Variants in NSG2 observed in about 807,000 individuals in gnomAD.
NSG2 encodes neuronal vesicle trafficking-associated protein 2.
NSG2 carries 4 observed loss-of-function variants against 16.9 expected under a neutral mutation model. The observed-to-expected ratio is 0.24, with a 90% CI of 0.12 to 0.54. NSG2 has a LOEUF of 0.54. Ranked by LOEUF, NSG2 falls within the 20% of genes least tolerant of loss-of-function variation. The pLI, the probability that NSG2 is intolerant of heterozygous loss-of-function variation, is 0.95. For missense variants in NSG2, 179 were observed against 221.1 expected, an observed-to-expected ratio of 0.81 and a Z score of 1.21; for synonymous variants, 98 against 88.7, an observed-to-expected ratio of 1.11 and a Z score of -0.59.
intron 3 of NSG2, among the ~76,000 whole-genome samples, chr5:174,098,182 T>G (rs1342254770): frequency 3.3e-5 from 5 of 152,138 alleles, no homozygotes; most frequent in Non-Finnish European, 7.4e-5. Flanking sequence ...GCTCCAGGCC[T>G]GGCCCAAGGC....
intron 3 of NSG2, among the ~76,000 whole-genome samples, chr5:174,100,837 C>T (rs1760886936): frequency 6.6e-6 from 1 of 152,248 alleles, no homozygotes; most frequent in Non-Finnish European, 1.5e-5. Flanking sequence ...CTTTACTAAC[C>T]TGCTGTTGGC....
intron 3 of NSG2, among the ~76,000 whole-genome samples, chr5:174,092,943 T>G (rs1760743021): frequency 1.3e-5 from 2 of 152,220 alleles, no homozygotes; most frequent in Admixed American, 6.5e-5. Context: ...ATATGGGGGA[T>G]TGATGGCAGG....
At chr5:174,081,314 G>T (rs1353709635) in intron 3 of NSG2, among the ~76,000 whole-genome samples, 1 of 151,990 alleles carries the variant, frequency 6.6e-6, no homozygotes, top group Non-Finnish European at 1.5e-5. Context: ...TTTCAGATTT[G>T]CTATTTCTAG....
chr5:174,086,029 G>A (rs532853106), intron 3 of NSG2, among the ~76,000 whole-genome samples: 4 of 152,276 alleles, frequency 2.6e-5, no homozygotes, highest in South Asian at 4.1e-4. Context: ...TGTGGTAGAT[G>A]GTGGCCTGTA....
chr5:174,046,638 A>C, intron 1 of NSG2, 96 bp from the exon 2 acceptor site: 1 of 1,034,990 alleles, frequency 9.7e-7, no homozygotes, highest in South Asian at 1.6e-5. Context: ...AAGCCACTTG[A>C]GTGGAGCTGT....
intron 4 of NSG2, among the ~76,000 whole-genome samples, chr5:174,105,516 A>G (rs1051134712): frequency 7.9e-5 from 12 of 152,254 alleles, no homozygotes; most frequent in Admixed American, 2.0e-4. Context: ...AATAGCACCA[A>G]TGTTACTACT....
At chr5:174,066,101 A>AGT in intron 3 of NSG2, 2 of 428,954 alleles carry the variant, frequency 4.7e-6, no homozygotes, top group Admixed American at 4.8e-5. Flanking sequence ...CCAGGGGAGG[A>AGT]GTGTGGTCCC....
intron 4 of NSG2, among the ~76,000 whole-genome samples, chr5:174,104,766 C>G (rs79060203): frequency 0.014 from 2,130 of 152,224 alleles, 25 homozygotes; most frequent in Non-Finnish European, 0.02. Flanking sequence ...TCCAAGTCTC[C>G]CCTTGACCCA....
chr5:174,066,495 A>C (rs1760141560), intron 3 of NSG2, among the ~76,000 whole-genome samples: 1 of 152,250 alleles, frequency 6.6e-6, no homozygotes. Context: ...AAATGAGAAC[A>C]CATCCATATG....
At chr5:174,075,127 A>G (rs1760316037) in intron 3 of NSG2, among the ~76,000 whole-genome samples, 1 of 152,220 alleles carries the variant, frequency 6.6e-6, no homozygotes, top group Admixed American at 6.5e-5. Context: ...TTATTTTATT[A>G]AACTTCTATT....
intron 2 of NSG2, among the ~76,000 whole-genome samples, chr5:174,055,616 A>G (rs1759957018): frequency 6.6e-6 from 1 of 152,038 alleles, no homozygotes; most frequent in African/African-American, 2.4e-5. Flanking sequence ...ATAAAAATAA[A>G]AATAAAAAAG....
intron 2 of NSG2, among the ~76,000 whole-genome samples, chr5:174,063,393 CT>C (rs1335894648): frequency 6.6e-6 from 1 of 152,112 alleles, no homozygotes; most frequent in Non-Finnish European, 1.5e-5. Flanking sequence ...AATATTCAGA[CT>C]TTAGAAAAAT....
intron 4 of NSG2, among the ~76,000 whole-genome samples, chr5:174,106,228 T>C (rs1360092254): frequency 6.6e-6 from 1 of 152,236 alleles, no homozygotes; most frequent in East Asian, 1.9e-4. Context: ...GGATCTATCT[T>C]CTTAAATATT....
chr5:174,088,640 G>T (rs377519566), intron 3 of NSG2, among the ~76,000 whole-genome samples: 1 of 152,218 alleles, frequency 6.6e-6, no homozygotes, highest in Non-Finnish European at 1.5e-5. Flanking sequence ...CCTAAGGCAT[G>T]TTCCTTCTCC....
chr5:174,065,875 G>A (rs1290366232), intron 3 of NSG2, among the ~76,000 whole-genome samples: 2 of 152,302 alleles, frequency 1.3e-5, no homozygotes, highest in Admixed American at 6.5e-5. Flanking sequence ...TTGCTATGAC[G>A]ATGAAGTACA....
chr5:174,094,595 A>G (rs912973935), intron 3 of NSG2, among the ~76,000 whole-genome samples: 1 of 152,212 alleles, frequency 6.6e-6, no homozygotes, highest in Non-Finnish European at 1.5e-5. Flanking sequence ...ACTTTCCAGA[A>G]TGCAGGGTCC....
At position 174,064,256 on chromosome 5, in the gene NSG2, T is replaced by C; in HGVS notation, c.154T>C (p.Tyr52His). 1 of 1,611,346 alleles carries C rather than the reference T, an allele frequency of 6.2e-7. No individual in the cohort carries two copies. The highest frequency in any genetic ancestry group is 2.2e-5 in the East Asian group (1 of 44,872). ...EKVIVKTRTEYQPEQKNKGKF... is the reference protein window; with the variant it reads ...EKVIVKTRTEHQPEQKNKGKF... ...GGTGATTGTGAAGACAAGAACGGAA[T>C]ATCAGCCGGAACAGAAGAACAAAGG... The change falls in exon 3 of 5, where the codon TAT becomes CAT. Residue 52 changes from tyrosine (Y) to histidine (H), a missense_variant. Physicochemically the swap from Tyr to His is moderately conservative, Grantham distance 83 (BLOSUM62 2). Transcript: ENST00000303177.
chr5:174,089,347 G>T (rs1760685489), intron 3 of NSG2, among the ~76,000 whole-genome samples: 1 of 152,176 alleles, frequency 6.6e-6, no homozygotes, highest in African/African-American at 2.4e-5. Context: ...TGCAGTGCAA[G>T]GAGGCAGTCC....
chr5:174,061,444 C>T (rs1432988612), intron 2 of NSG2, among the ~76,000 whole-genome samples: 7 of 152,168 alleles, frequency 4.6e-5, no homozygotes, highest in African/African-American at 1.2e-4. Flanking sequence ...CATCAGCTTC[C>T]GACTCTCGTA....
Sources: gnomAD v4.1 joint callset for allele counts (sites outside exome capture counted in the v4.1 genomes callset) on GRCh38, gnomAD v4.1.1 for gene constraint, MANE v1.5 for transcripts, NCBI Gene and HGNC (gene_info 2026-07-23, HGNC 2026-07-21) for gene names.